ITGB1: variants seen among roughly 807,000 people sequenced by gnomAD.
ITGB1 encodes integrin subunit beta 1.
ITGB1 carries 24 observed loss-of-function variants against 86.5 expected under a neutral mutation model. The ratio of observed to expected loss-of-function variants is 0.28; its 90% CI spans 0.20 to 0.39. The LOEUF (loss-of-function observed/expected upper bound fraction) is 0.39. ITGB1 is among the 10% of genes least tolerant of loss of function. ITGB1 has a pLI of 1.00. For synonymous variants in ITGB1, 323 were observed against 316.8 expected (o/e 1.02, Z -0.21); for missense variants, 556 against 946.9 (o/e 0.59, Z 5.42).
chr10:32,917,196 A>G (rs1177141319), intron 11 of ITGB1, among the ~76,000 whole-genome samples: 2 of 152,236 alleles, frequency 1.3e-5, no homozygotes, highest in Admixed American at 1.3e-4. Context: ...TTAATTCAAG[A>G]TGGATTAAAG....
intron 5 of ITGB1, among the ~76,000 whole-genome samples, chr10:32,926,446 T>C (rs920816373): frequency 1.3e-5 from 2 of 152,152 alleles, no homozygotes; most frequent in African/African-American, 2.4e-5. Flanking sequence ...ATTTCGATCA[T>C]GGGGGCAGAT....
chr10:32,953,593 A>G (rs1482435320), intron 1 of ITGB1: 1 of 152,142 alleles, frequency 6.6e-6, no homozygotes, highest in Non-Finnish European at 1.5e-5. Context: ...CTCTACTTAC[A>G]TCAGGCAGCA....
chr10:32,937,205 C>A (rs896267454), intron 1 of ITGB1, among the ~76,000 whole-genome samples: 9 of 152,146 alleles, frequency 5.9e-5, no homozygotes, highest in African/African-American at 2.2e-4. Flanking sequence ...ACAGGGAAAT[C>A]TAACTGCATC....
At chr10:32,953,407 A>G (rs1421800859) in intron 1 of ITGB1, among the ~76,000 whole-genome samples, 3 of 152,166 alleles carry the variant, frequency 2.0e-5, no homozygotes, top group Admixed American at 1.3e-4. Context: ...CTGGTACTCA[A>G]TGTACTGATA....
Position 32,910,371 on chromosome 10 carries a change from C to T in ITGB1, c.2016G>A (p.Lys672=). 1 of 1,600,980 alleles carries T rather than the reference C, an allele frequency of 6.2e-7. No homozygotes were observed. Among genetic ancestry groups the T allele is most frequent in the Non-Finnish European group, 8.6e-7 (1 of 1,168,256 alleles). Residue 672 remains lysine (K), a synonymous_variant, in exon 14 of 16, where the codon AAG becomes AAA. Transcript: ENST00000302278. ...TQECSYFNIT[K]VESRDKLPQP... Reference sequence around the variant, plus strand: ...GGGGTAATTTGTCCCGACTTTCTACCTTGGTAATGTTAAAATAGGAACATT... The same window carrying T: ...GGGGTAATTTGTCCCGACTTTCTACTTTGGTAATGTTAAAATAGGAACATT...
At chr10:32,914,203 C>CA (rs775274653) in intron 11 of ITGB1, among the ~76,000 whole-genome samples, 23 of 152,256 alleles carry the variant, frequency 1.5e-4, no homozygotes, top group South Asian at 4.2e-4. Context: ...CCAGCCACTG[C>CA]AAAAACATGC....
In ITGB1 at chr10:32,932,642, T is replaced by G. The variant is rs200516158; in HGVS notation, c.68-42A>C. The G allele has an allele frequency of 6.5e-5, 72 of 1,108,498 alleles. No homozygotes were observed. The East Asian group carries it at 1.3e-3, about 20-fold the overall frequency. 68.7% of individuals were successfully genotyped at this position (1,108,498 alleles called of 1,614,324 possible). A position where few individuals can be genotyped will look rare whatever the true frequency, so the allele number is the denominator to read the frequency against. ...AGAACAGAACATTTTATGTGAAGTG[T>G]CAGAGAGAAAATAATGAAAAATCAG... On this transcript the variant is annotated intron_variant, in intron 2 of 15. Transcript: ENST00000302278.
rs759581823 is a variant in ITGB1, at chr10:32,928,254, C to T, written c.387G>A (p.Gln129=). 1 of 871,196 alleles carries T rather than the reference C, an allele frequency of 1.1e-6. No individual in the cohort carries two copies. Among genetic ancestry groups the T allele is most frequent in the South Asian group, 1.4e-5 (1 of 72,332 alleles). 54.0% of individuals were successfully genotyped at this position (871,196 alleles called of 1,614,324 possible). ...CTCTCTTGAATTTTAATGTAAATGTCTGTGGCTCCCCTAATTAGACAAGAG... is the reference window on the plus strand; with the variant it reads ...CTCTCTTGAATTTTAATGTAAATGTTTGTGGCTCCCCTAATTAGACAAGAG... ...LVLRLRSGEP[Q]TFTLKFKRAE... The change falls in exon 5 of 16, where the codon CAG becomes CAA. Residue 129 remains glutamine, a synonymous_variant. Coordinates refer to ENST00000302278, the MANE Select transcript of ITGB1 (RefSeq NM_002211.4).
chr10:32,901,869 T>C (rs1322474368), intron 15 of ITGB1, among the ~76,000 whole-genome samples: 2 of 152,248 alleles, frequency 1.3e-5, no homozygotes, highest in African/African-American at 2.4e-5. Context: ...TATTTCATTC[T>C]TGAGTCCTTC....
At chr10:32,952,683 T>C (rs1171908579) in intron 1 of ITGB1, among the ~76,000 whole-genome samples, 1 of 152,148 alleles carries the variant, frequency 6.6e-6, no homozygotes, top group East Asian at 1.9e-4. Flanking sequence ...TATGTAAATA[T>C]TTTCCTCATC....
intron 13 of ITGB1, among the ~76,000 whole-genome samples, chr10:32,911,235 T>A (rs1300738290): frequency 6.6e-6 from 1 of 152,178 alleles, no homozygotes; most frequent in South Asian, 2.1e-4. Context: ...ATCAAAATAA[T>A]AGTACAACTC....
chr10:32,906,275 CT>C (rs1357110071), intron 15 of ITGB1, among the ~76,000 whole-genome samples: 3 of 152,104 alleles, frequency 2.0e-5, no homozygotes, highest in African/African-American at 7.2e-5. Flanking sequence ...CTAAAATTTA[CT>C]CATAACAAAT....
intron 15 of ITGB1, among the ~76,000 whole-genome samples, chr10:32,908,126 T>C (rs1230332015): frequency 6.6e-6 from 1 of 152,154 alleles, no homozygotes; most frequent in Non-Finnish European, 1.5e-5. Context: ...ATTAAAGAAA[T>C]AAAAATACTG....
intron 10 of ITGB1, 61 bp downstream of exon 10, chr10:32,920,177 CAAACTAT>C: frequency 6.4e-7 from 1 of 1,573,380 alleles, no homozygotes; most frequent in South Asian, 1.2e-5. Context: ...TAATGTTTCT[CAAACTAT>C]AAACTAAATT....
At position 32,918,668 on chromosome 10, in the gene ITGB1, T is replaced by C. The variant is rs571023052; in HGVS notation, c.1469+1217A>G. ...CTAGCAATGAATAGTGAATGACACA[T>C]GTGGAAAGGCAGAATAAACTTAATT... On this transcript the variant is annotated intron_variant, in intron 11 of 15. Coordinates refer to ENST00000302278, the MANE Select transcript of ITGB1 (RefSeq NM_002211.4). 6.6e-5 allele frequency among the ~76,000 whole-genome samples: 10 copies of C among 152,264 alleles called. No individual in the cohort carries two copies. The South Asian group carries it at 2.1e-3, about 32-fold the overall frequency.
At chr10:32,910,566 T>C (rs1281355606) in intron 13 of ITGB1, 111 bp from the exon 14 acceptor site, 3 of 633,640 alleles carry the variant, frequency 4.7e-6, no homozygotes, top group Non-Finnish European at 8.1e-6. Flanking sequence ...CAAACAGCTA[T>C]GAAGGAAGAT....
chr10:32,919,762 C>T, intron 11 of ITGB1, 123 bp downstream of exon 11: 1 of 754,248 alleles, frequency 1.3e-6, no homozygotes, highest in Non-Finnish European at 2.2e-6. Context: ...TGGTGAGCAA[C>T]CGTGGTTGGA....
intron 6 of ITGB1, among the ~76,000 whole-genome samples, chr10:32,925,589 C>G (rs2094962021): frequency 6.6e-6 from 1 of 152,180 alleles, no homozygotes; most frequent in Admixed American, 6.5e-5. Flanking sequence ...CCACCAGCTA[C>G]AGTACAGAGA....
chr10:32,918,168 G>A (rs1428458553), intron 11 of ITGB1, among the ~76,000 whole-genome samples: 1 of 152,106 alleles, frequency 6.6e-6, no homozygotes, highest in Non-Finnish European at 1.5e-5. Flanking sequence ...CACAGGGTGG[G>A]GAACATCACA....
Sources: gnomAD v4.1 joint callset for allele counts (sites outside exome capture counted in the v4.1 genomes callset) on GRCh38, gnomAD v4.1.1 for gene constraint, MANE v1.5 for transcripts, NCBI Gene and HGNC (gene_info 2026-07-23, HGNC 2026-07-21) for gene names.